The following LRMDA variants were observed in gnomAD, a reference collection of about 807,000 sequenced individuals.
The protein encoded by LRMDA is leucine rich melanocyte differentiation associated.
In LRMDA, 18 loss-of-function variants were observed where a neutral mutation model predicts 29.8. That is an observed-to-expected ratio of 0.60 (90% confidence interval 0.42 to 0.90). The LOEUF is 0.90. Among genes scored for constraint, LRMDA ranks in the 40% least tolerant of loss-of-function variants. LRMDA has a pLI of 0.00. For synonymous variants in LRMDA, 125 were observed against 109.4 expected (o/e 1.14, Z -0.89); for missense variants, 273 against 273.9 (o/e 1.00, Z 0.02).
chr10:75,882,378 G>A (rs1845309266), intron 2 of LRMDA, among the ~76,000 whole-genome samples: 1 of 152,118 alleles, frequency 6.6e-6, no homozygotes, highest in Non-Finnish European at 1.5e-5. Flanking sequence ...ACTTTCAGCT[G>A]AGGATTTCAA....
chr10:76,193,939 C>T (rs932283082), intron 5 of LRMDA, among the ~76,000 whole-genome samples: 5 of 152,194 alleles, frequency 3.3e-5, no homozygotes, highest in Non-Finnish European at 7.3e-5. Flanking sequence ...AGCTTGAAAG[C>T]ACTAACTTGC....
intron 2 of LRMDA, among the ~76,000 whole-genome samples, chr10:75,745,093 T>C (rs1482731949): frequency 6.6e-6 from 1 of 152,212 alleles, no homozygotes; most frequent in African/African-American, 2.4e-5. Context: ...AGCTCCATCT[T>C]ATCATGACGT....
chr10:75,526,257 G>A (rs1845411581), intron 2 of LRMDA, among the ~76,000 whole-genome samples: 1 of 151,734 alleles, frequency 6.6e-6, no homozygotes, highest in Admixed American at 6.6e-5. Context: ...TAGAGATTGG[G>A]TCTCGTTATG....
At chr10:76,542,974 G>A (rs964573896) in intron 6 of LRMDA, among the ~76,000 whole-genome samples, 2 of 152,166 alleles carry the variant, frequency 1.3e-5, no homozygotes, top group African/African-American at 4.8e-5. Flanking sequence ...GTGAAGGGAA[G>A]TGAGGAGGCT....
chr10:76,378,545 G>A (rs533313521), intron 6 of LRMDA, among the ~76,000 whole-genome samples: 1 of 152,018 alleles, frequency 6.6e-6, no homozygotes, highest in South Asian at 2.1e-4. Context: ...TTATTTTGAG[G>A]TATGTTCCTT....
intron 2 of LRMDA, among the ~76,000 whole-genome samples, chr10:75,560,860 A>G (rs543845976): frequency 6.6e-6 from 1 of 152,190 alleles, no homozygotes; most frequent in Admixed American, 6.5e-5. Context: ...ATATTGAACC[A>G]GCCTTGCATC....
At chr10:76,133,187 C>A (rs1006255122) in intron 5 of LRMDA, among the ~76,000 whole-genome samples, 1 of 151,776 alleles carries the variant, frequency 6.6e-6, no homozygotes. Flanking sequence ...AGTAAGGAAA[C>A]CAAAACCTCT....
intron 2 of LRMDA, among the ~76,000 whole-genome samples, chr10:75,522,990 A>G (rs1033533641): frequency 5.3e-5 from 8 of 152,352 alleles, no homozygotes; most frequent in African/African-American, 1.4e-4. Flanking sequence ...CTCAGCAATC[A>G]GATGACCTGG....
intron 5 of LRMDA, among the ~76,000 whole-genome samples, chr10:76,135,612 G>T (rs1374009069): frequency 6.6e-6 from 1 of 151,948 alleles, no homozygotes; most frequent in Non-Finnish European, 1.5e-5. Context: ...GTCTGCAAGG[G>T]TTGGTTCCTT....
intron 5 of LRMDA, among the ~76,000 whole-genome samples, chr10:76,299,156 CGTGTGTGTGTGTGT>C (rs111635114): frequency 2.0e-5 from 3 of 147,318 alleles, no homozygotes; most frequent in East Asian, 2.0e-4. Context: ...AGAGAAGAGC[CGTGTGTGTGTGTGT>C]GTGTGTGTGT....
intron 5 of LRMDA, among the ~76,000 whole-genome samples, chr10:76,137,587 C>T (rs1850119076): frequency 6.6e-6 from 1 of 152,086 alleles, no homozygotes; most frequent in African/African-American, 2.4e-5. Context: ...GAAAGGCCCT[C>T]CTGGGAGTCA....
chr10:75,745,352 T>G (rs969265198), intron 2 of LRMDA, among the ~76,000 whole-genome samples: 1 of 152,180 alleles, frequency 6.6e-6, no homozygotes, highest in Admixed American at 6.5e-5. Context: ...GAAATTCACA[T>G]AACATGATTC....
intron 5 of LRMDA, among the ~76,000 whole-genome samples, chr10:76,090,830 T>A (rs994592723): frequency 6.6e-6 from 1 of 152,140 alleles, no homozygotes; most frequent in African/African-American, 2.4e-5. Flanking sequence ...AGAGGGGTCG[T>A]GAGGGGCTGG....
At chr10:76,303,002 C>T (rs942599396) in intron 5 of LRMDA, among the ~76,000 whole-genome samples, 1 of 152,166 alleles carries the variant, frequency 6.6e-6, no homozygotes, top group African/African-American at 2.4e-5. Context: ...TCCTCATCTC[C>T]CCCTGAAAGA....
intron 6 of LRMDA, among the ~76,000 whole-genome samples, chr10:76,334,746 T>G (rs559370400): frequency 4.1e-4 from 63 of 152,294 alleles, no homozygotes; most frequent in Non-Finnish European, 7.8e-4. Flanking sequence ...TGCTCAGAAT[T>G]CCATATGCTT....
At chr10:76,180,200 C>T (rs1452281129) in intron 5 of LRMDA, among the ~76,000 whole-genome samples, 1 of 151,910 alleles carries the variant, frequency 6.6e-6, no homozygotes. Flanking sequence ...GTAAATCAGT[C>T]CCAGGATAGA....
intron 5 of LRMDA, among the ~76,000 whole-genome samples, chr10:76,210,043 G>C (rs1211060956): frequency 6.6e-6 from 1 of 152,144 alleles, no homozygotes; most frequent in Non-Finnish European, 1.5e-5. Flanking sequence ...CTTCTCCCCA[G>C]AATCAGATCT....
At chr10:76,089,203 CTG>C (rs1849188833) in intron 5 of LRMDA, among the ~76,000 whole-genome samples, 1 of 152,132 alleles carries the variant, frequency 6.6e-6, no homozygotes, top group Admixed American at 6.5e-5. Flanking sequence ...CACTGAGACT[CTG>C]AGAATTTCAG....
chr10:75,656,635 C>G (rs2132130907), intron 2 of LRMDA, among the ~76,000 whole-genome samples: 1 of 152,288 alleles, frequency 6.6e-6, no homozygotes, highest in Non-Finnish European at 1.5e-5. Flanking sequence ...CCCTGCCGTT[C>G]ATTTCCTTGT....
Sources: allele counts gnomAD v4.1 joint callset (sites outside exome capture counted in the v4.1 genomes callset), GRCh38; gene constraint gnomAD v4.1.1; transcripts MANE v1.5; gene names NCBI Gene and HGNC (gene_info 2026-07-23, HGNC 2026-07-21).